FGFRL1: variants seen among roughly 807,000 people sequenced by gnomAD.
FGFRL1 encodes the protein fibroblast growth factor receptor like 1.
A neutral mutation model predicts 36.8 loss-of-function variants in FGFRL1; 24 were observed. The observed-to-expected ratio is 0.65, with a 90% CI of 0.47 to 0.92. The LOEUF (loss-of-function observed/expected upper bound fraction) is 0.92, where lower values mean the gene tolerates loss of function less well. Among genes scored for constraint, FGFRL1 ranks in the 40% least tolerant of loss-of-function variants. The pLI, the probability that FGFRL1 is intolerant of heterozygous loss-of-function variation, is 0.00. For synonymous variants in FGFRL1, 422 were observed against 344.1 expected (o/e 1.23, Z -2.50); for missense variants, 785 against 753.4 (o/e 1.04, Z -0.49).
Position 1,025,223 on chromosome 4 carries a change from C to A in FGFRL1, c.1391C>A (p.Pro464Gln), listed in dbSNP as rs4647932. The A allele has an allele frequency of 2.4e-4, 382 of 1,609,184 alleles. No individual in the cohort carries two copies. The highest frequency in any genetic ancestry group is 8.1e-5 in the Non-Finnish European group (96 of 1,178,342). ...CCCCAGCACTTACTGGGCCCAGGCCCAGTTGCTGGCCCTAAGTTGTACCCC... is the reference window on the plus strand; with the variant it reads ...CCCCAGCACTTACTGGGCCCAGGCCAAGTTGCTGGCCCTAAGTTGTACCCC... ...AAPQHLLGPG[P>Q]VAGPKLYPKL... Residue 464 changes from proline to glutamine, a missense_variant, in exon 7 of 7, where the codon CCA becomes CAA. By Grantham distance (76) the Pro-to-Gln change is moderately conservative. Transcript: ENST00000510644.
chr4:1,011,223 G>C (rs1715560030), upstream of FGFRL1: 1 of 152,270 alleles, frequency 6.6e-6, no homozygotes, highest in East Asian at 1.9e-4. Flanking sequence ...CCGCGGGCAG[G>C]GCCGGAGCCT....
intron 2 of FGFRL1, among the ~76,000 whole-genome samples, chr4:1,021,813 G>A (rs1468375594): frequency 2.6e-5 from 4 of 152,290 alleles, no homozygotes; most frequent in South Asian, 2.1e-4. Flanking sequence ...TCGGGTGTAC[G>A]GCTGCTTCCT....
intron 2 of FGFRL1, 145 bp from the exon 3 acceptor site, chr4:1,022,058 C>T (rs1005030783): frequency 3.3e-5 from 20 of 610,118 alleles, no homozygotes; most frequent in Admixed American, 7.0e-5. Context: ...CACTGCACCT[C>T]GGCCCCTCTG....
intron 2 of FGFRL1, among the ~76,000 whole-genome samples, chr4:1,016,036 C>T (rs1301544154): frequency 3.3e-5 from 5 of 152,154 alleles, no homozygotes; most frequent in Non-Finnish European, 5.9e-5. Flanking sequence ...GGCCCGGTGC[C>T]CTCCTGTCCC....
chr4:1,011,105 G>A (rs1715553926), upstream of FGFRL1: 1 of 152,154 alleles, frequency 6.6e-6, no homozygotes, highest in African/African-American at 2.4e-5. Context: ...GACCCCCCGG[G>A]GCGCAGACCT....
In FGFRL1 at chr4:1,024,069, C is replaced by T. The variant is rs1470785423; in HGVS notation, c.686C>T (p.Ala229Val). The T allele has an allele frequency of 8.1e-6, 13 of 1,600,208 alleles. No homozygotes were observed. The highest frequency in any genetic ancestry group is 1.1e-5 in the Non-Finnish European group (13 of 1,176,000). Residue 229 changes from alanine (A) to valine (V), a missense_variant, in exon 5 of 7, where the codon GCC becomes GTC. By Grantham distance (64) the Ala-to-Val change is moderately conservative (BLOSUM62 0). Transcript: ENST00000510644. ...YTCRVSNRAG[A>V]INATYKVDVI... Reference sequence around the variant, plus strand: ...TGCCGCGTGTCGAACCGCGCGGGCGCCATCAACGCCACCTACAAGGTGGAT... The same window carrying T: ...TGCCGCGTGTCGAACCGCGCGGGCGTCATCAACGCCACCTACAAGGTGGAT...
Position 1,022,371 on chromosome 4 carries a change from G to T in FGFRL1, c.248G>T (p.Gly83Val), listed in dbSNP as rs1223747834. 6 of 1,610,682 alleles carry T rather than the reference G, an allele frequency of 3.7e-6. No individual in the cohort carries two copies. Among genetic ancestry groups the T allele is most frequent in the Non-Finnish European group, 5.1e-6 (6 of 1,179,156 alleles). ...AGCCGCTTCCGCGTGCTGCCGCAGG[G>T]GCTGAAGGTGAAGCAGGTGGAGCGG... ...GWSRFRVLPQ[G>V]LKVKQVERED... Residue 83 changes from glycine to valine, a missense_variant, in exon 3 of 7, where the codon GGG (glycine) becomes GTG (valine). By Grantham distance (109) the Gly-to-Val change is moderately radical. Transcript: ENST00000510644.
At chr4:1,020,354 A>G (rs1188094864) in intron 2 of FGFRL1, among the ~76,000 whole-genome samples, 2 of 152,050 alleles carry the variant, frequency 1.3e-5, no homozygotes, top group Non-Finnish European at 2.9e-5. Flanking sequence ...CCTCTCCGAC[A>G]TGGAGAGCAG....
At position 1,025,638 on chromosome 4, in the gene FGFRL1, T is replaced by C. The variant is rs1716479664; in HGVS notation, c.*291T>C. 1.9e-6 allele frequency: 1 copy of C among 522,030 alleles called. No individual in the cohort carries two copies. The allele number at this position is 522,030 out of a possible 1,614,324, so 32.3% of individuals were successfully genotyped here. ...TGGGCACACAGATAAGCTGCCCAAA[T>C]GCACGCACACGCACAGAGACATGCC... On this transcript the variant is annotated 3_prime_UTR_variant, in exon 7 of 7. Coordinates refer to ENST00000510644, the MANE Select transcript of FGFRL1 (RefSeq NM_001004356.3).
chr4:1,013,691 A>G (rs1376372075), intron 2 of FGFRL1, among the ~76,000 whole-genome samples: 3 of 152,206 alleles, frequency 2.0e-5, no homozygotes, highest in East Asian at 1.9e-4. Context: ...GGCCTCCCCA[A>G]TCCCTACACC....
In FGFRL1 at chr4:1,025,624, A is replaced by G; in HGVS notation, c.*277A>G. ...ACAGATATGCCGCCTGGGCACACAG[A>G]TAAGCTGCCCAAATGCACGCACACG... On this transcript the variant is annotated 3_prime_UTR_variant, in exon 7 of 7. Transcript: ENST00000510644. The G allele has an allele frequency of 1.8e-6, 1 of 545,350 alleles. No homozygotes were observed. Among genetic ancestry groups the G allele is most frequent in the Non-Finnish European group, 3.3e-6 (1 of 307,352 alleles). The allele number at this position is 545,350 out of a possible 1,614,324, so 33.8% of individuals were successfully genotyped here. A position where few individuals can be genotyped will look rare whatever the true frequency, so the allele number is the denominator to read the frequency against.
Position 1,025,226 on chromosome 4 carries a change from TTGCTGGCCCTAA to T in FGFRL1, c.1395_1406del (p.Ala466_Lys469del), listed in dbSNP as rs1329013807. On this transcript the variant is annotated inframe_deletion, in exon 7 of 7. Coordinates refer to ENST00000510644, the MANE Select transcript of FGFRL1 (RefSeq NM_001004356.3). ...CAGCACTTACTGGGCCCAGGCCCAG[TTGCTGGCCCTAA>T]GTTGTACCCCAAACTCTACACAGAC... 1.2e-6 allele frequency: 2 copies of T among 1,609,228 alleles called. No individual in the cohort carries two copies. Among genetic ancestry groups the T allele is most frequent in the Non-Finnish European group, 1.7e-6 (2 of 1,178,352 alleles).
intron 3 of FGFRL1, among the ~76,000 whole-genome samples, chr4:1,022,824 A>G (rs1577568131): frequency 6.6e-6 from 1 of 151,788 alleles, no homozygotes; most frequent in East Asian, 1.9e-4. Flanking sequence ...CGGGTTTCGG[A>G]GTTCAGAGGA....
At chr4:1,014,724 G>A (rs1409542740) in intron 2 of FGFRL1, among the ~76,000 whole-genome samples, 5 of 152,230 alleles carry the variant, frequency 3.3e-5, no homozygotes, top group Non-Finnish European at 1.5e-5. Context: ...AGGCCCTTCC[G>A]GGCAGTGGCT....
At chr4:1,011,396 C>CGGGGCG (rs960750739), upstream of FGFRL1, 6 of 13,064 alleles carry the variant, frequency 4.6e-4, no homozygotes, top group East Asian at 2.5e-3. Context: ...CGGGTTGGGG[C>CGGGGCG]GGGGCGGGGG....
chr4:1,023,748 G>A lies in FGFRL1; in HGVS notation c.433+27G>A. ...TGAGCAGGGGGTGACGGGGGTGGGG[G>A]GCGTCCGTCTGTCCCGGCCCCTTGG... is the stretch of plus-strand genomic sequence containing the variant. On this transcript the variant is annotated intron_variant, in intron 4 of 6. Coordinates refer to ENST00000510644, the MANE Select transcript of FGFRL1 (RefSeq NM_001004356.3). This position sits in a 1 kb window ranked among gnomAD's most constrained non-coding sequence, Gnocchi z 6.0. The A allele has an allele frequency of 6.5e-7, 1 of 1,549,588 alleles. No individual in the cohort carries two copies.
rs1335708193 is a variant in FGFRL1 at position 1,011,630 on chromosome 4, T to C, written c.-341T>C. Among the ~76,000 whole-genome samples the C allele has an allele frequency of 1.6e-5, 2 of 127,098 alleles. No individual in the cohort carries two copies. Among genetic ancestry groups the C allele is most frequent in the Non-Finnish European group, 3.3e-5 (2 of 60,108 alleles). 83.4% of individuals were successfully genotyped at this position (127,098 alleles called of 152,430 possible). A position where few individuals can be genotyped will look rare whatever the true frequency, so the allele number is the denominator to read the frequency against. On this transcript the variant is annotated 5_prime_UTR_variant, in exon 1 of 7. Transcript: ENST00000510644. ...GGGCTCGGCGCTCGCTCCGGGAGAGTTGACAAAGCCCCGCAGGGAAGGACG... is the reference window on the plus strand; with the variant it reads ...GGGCTCGGCGCTCGCTCCGGGAGAGCTGACAAAGCCCCGCAGGGAAGGACG...
chr4:1,022,512 T>G (rs1192641499), intron 3 of FGFRL1, 37 bp downstream of exon 3: 2 of 1,556,322 alleles, frequency 1.3e-6, no homozygotes, highest in Non-Finnish European at 1.7e-6. Flanking sequence ...ATGGGCTGGG[T>G]TGGAGCCAGG....
At chr4:1,020,640 A>ATGGGG (rs201753115) in intron 2 of FGFRL1, among the ~76,000 whole-genome samples, 1 of 96,984 alleles carries the variant, frequency 1.0e-5, no homozygotes, top group Non-Finnish European at 2.1e-5. Context: ...GAGGCAGGGG[A>ATGGGG]TGGGGTGGGG....
Sources: gnomAD v4.1 joint callset for allele counts (sites outside exome capture counted in the v4.1 genomes callset) on GRCh38, gnomAD v4.1.1 for gene constraint, Gnocchi (gnomAD v3.1) non-coding constraint, MANE v1.5 for transcripts, NCBI Gene and HGNC (gene_info 2026-07-23, HGNC 2026-07-21) for gene names.